The following PIK3R4 variants were observed in gnomAD, a reference collection of about 807,000 sequenced individuals.
PIK3R4 encodes the protein phosphoinositide 3-kinase regulatory subunit 4.
In PIK3R4, 46 loss-of-function variants were observed where a neutral mutation model predicts 136.5. The observed-to-expected ratio is 0.34, with a 90% CI of 0.27 to 0.43. PIK3R4 has a LOEUF of 0.43. Ranked by LOEUF, PIK3R4 falls within the 20% of genes least tolerant of loss-of-function variation. The probability of loss-of-function intolerance (pLI) is 1.00; values close to 1 mark genes in which losing one functional copy is unlikely to be tolerated. For missense variants in PIK3R4, 1,331 were observed against 1,649.5 expected (o/e 0.81, Z 3.35); for synonymous variants, 557 against 566.7 (o/e 0.98, Z 0.24).
Position 130,709,126 on chromosome 3 carries a change from T to G in PIK3R4, c.2332-634A>C, listed in dbSNP as rs149589440. ...ACTTACTGTATCTGTGCACCTCTAT[T>G]TAGCTATAAAGATAATTACTGGCAC... On this transcript the variant is annotated intron_variant, in intron 9 of 19. Transcript: ENST00000356763. Among the ~76,000 whole-genome samples the G allele has an allele frequency of 2.0e-4, 30 of 152,230 alleles. No homozygotes were observed. In the East Asian group the frequency reaches 5.8e-3, roughly 29 times the overall value.
At chr3:130,679,803 C>T (rs545718192) in intron 19 of PIK3R4, among the ~76,000 whole-genome samples, 2 of 152,080 alleles carry the variant, frequency 1.3e-5, no homozygotes, top group African/African-American at 2.4e-5. Context: ...ATAGGCCAGG[C>T]GCGGTGGGTC....
At chr3:130,681,208 C>CCTAT (rs1301521140) in intron 17 of PIK3R4, 143 bp from the exon 18 acceptor site, 3 of 670,722 alleles carry the variant, frequency 4.5e-6, no homozygotes, top group African/African-American at 3.6e-5. Context: ...TTATGTATGC[C>CCTAT]CTATCTACTT....
At chr3:130,734,255 T>C in intron 3 of PIK3R4, 125 bp from the exon 4 acceptor site, 1 of 707,362 alleles carries the variant, frequency 1.4e-6, no homozygotes, top group Non-Finnish European at 2.4e-6. Context: ...CTAAGTGATT[T>C]GTGACTCCAT....
At chr3:130,715,765 T>G (rs1412466640) in intron 9 of PIK3R4, among the ~76,000 whole-genome samples, 1 of 152,196 alleles carries the variant, frequency 6.6e-6, no homozygotes, top group African/African-American at 2.4e-5. Context: ...TTAGATCCAT[T>G]TGTCAATTCT....
rs2066608848 is a variant in PIK3R4 at position 130,706,883 on chromosome 3, A to G, written c.2721+65T>C. 2.2e-6 allele frequency: 3 copies of G among 1,387,310 alleles called. No individual in the cohort carries two copies. In the South Asian group the frequency reaches 4.5e-5, roughly 21 times the overall value. The allele number at this position is 1,387,310 out of a possible 1,614,324, so 85.9% of individuals were successfully genotyped here. Reference sequence around the variant, plus strand: ...TTCCACTACAGTACACAGCCTTTAAACAACCAAAATAGCAGAAGAGCGTTC... The same window carrying G: ...TTCCACTACAGTACACAGCCTTTAAGCAACCAAAATAGCAGAAGAGCGTTC... On this transcript the variant is annotated intron_variant, in intron 11 of 19. Transcript: ENST00000356763.
chr3:130,703,675 T>C, intron 13 of PIK3R4, 48 bp downstream of exon 13: 2 of 1,388,780 alleles, frequency 1.4e-6, no homozygotes, highest in Non-Finnish European at 2.0e-6. Flanking sequence ...TCAATAAACA[T>C]TTGTTGATTT....
chr3:130,721,427 G>A (rs1202266468), intron 7 of PIK3R4, among the ~76,000 whole-genome samples: 1 of 151,958 alleles, frequency 6.6e-6, no homozygotes, highest in Non-Finnish European at 1.5e-5. Context: ...AAATTAGTAT[G>A]TTGAAGGGAT....
In PIK3R4 at chr3:130,745,222, G is replaced by A. The variant is rs763138925; in HGVS notation, c.-4C>T. 8.8e-6 allele frequency: 14 copies of A among 1,591,266 alleles called. No homozygotes were observed. The highest frequency in any genetic ancestry group is 1.1e-5 in the Non-Finnish European group (13 of 1,174,712). On this transcript the variant is annotated 5_prime_UTR_variant, in exon 2 of 20. Transcript: ENST00000356763. ...TGCCAGCAAGCTGATTTCCCATAAT[G>A]GCAAGCACCTCTGTGGTCTTTAGTA...
intron 12 of PIK3R4, 101 bp from the exon 13 acceptor site, chr3:130,703,989 A>G (rs999702732): frequency 3.5e-5 from 26 of 752,656 alleles, no homozygotes; most frequent in Non-Finnish European, 5.5e-5. Flanking sequence ...GAAAACAATC[A>G]TAAGAACTAA....
At chr3:130,705,859 T>G (rs898282976) in intron 11 of PIK3R4, 88 bp from the exon 12 acceptor site, 1 of 696,976 alleles carries the variant, frequency 1.4e-6, no homozygotes. Flanking sequence ...ATCTATAAAT[T>G]ATAACAGCTT....
intron 14 of PIK3R4, among the ~76,000 whole-genome samples, chr3:130,687,214 T>C (rs1034218346): frequency 2.0e-5 from 3 of 152,148 alleles, no homozygotes; most frequent in East Asian, 1.9e-4. Flanking sequence ...CAAAATACTT[T>C]TGTGCATGAG....
At chr3:130,691,820 T>TA (rs988897588) in intron 13 of PIK3R4, among the ~76,000 whole-genome samples, 35 of 151,356 alleles carry the variant, frequency 2.3e-4, no homozygotes, top group Admixed American at 7.9e-4. Flanking sequence ...TTGTTTTTTT[T>TA]AAAAAAATCT....
intron 6 of PIK3R4, 37 bp downstream of exon 6, chr3:130,728,426 T>G (rs747480379): frequency 7.5e-7 from 1 of 1,341,896 alleles, no homozygotes; most frequent in Non-Finnish European, 1.0e-6. Context: ...AGAGGATGAT[T>G]AAAAATCTTA....
intron 9 of PIK3R4, among the ~76,000 whole-genome samples, chr3:130,715,039 G>A (rs534951699): frequency 4.0e-4 from 61 of 151,116 alleles, no homozygotes; most frequent in African/African-American, 1.5e-3. Flanking sequence ...TTCCACAACA[G>A]TTGAACTAAT....
chr3:130,692,162 A>C (rs1235706781), intron 13 of PIK3R4, among the ~76,000 whole-genome samples: 3 of 152,142 alleles, frequency 2.0e-5, no homozygotes, highest in Non-Finnish European at 4.4e-5. Flanking sequence ...GGTGTGAGCC[A>C]CCACACCTGG....
rs2066841657 is a variant in PIK3R4, at chr3:130,744,424, T to C, written c.733+62A>G. The C allele has an allele frequency of 5.3e-6, 8 of 1,508,592 alleles. No homozygotes were observed. In the Admixed American group the frequency reaches 1.5e-4, roughly 29 times the overall value. 93.5% of individuals were successfully genotyped at this position (1,508,592 alleles called of 1,614,324 possible). On this transcript the variant is annotated intron_variant, in intron 2 of 19. Transcript: ENST00000356763. The stretch of plus-strand genomic sequence containing the variant: ...ATCTGGTGACTAAAAAAAGCCACAT[T>C]TCTGTTTAACAGTTAAAAGAAAAAC...
At chr3:130,735,254 C>T (rs548448548) in intron 3 of PIK3R4, among the ~76,000 whole-genome samples, 29 of 152,294 alleles carry the variant, frequency 1.9e-4, no homozygotes, top group African/African-American at 6.5e-4. Flanking sequence ...CAATCTTTTC[C>T]ATGACTCAGA....
Position 130,703,774 on chromosome 3 carries a change from G to A in PIK3R4, c.3047C>T (p.Thr1016Ile). Residue 1016 changes from threonine (T) to isoleucine (I), a missense_variant, in exon 13 of 20, where the codon ACA (threonine) becomes ATA (isoleucine). Transcript: ENST00000356763. ...CTTTTGACTGTTCCAGATTTTCACT[G>A]TGCCATCATTTGAACATGTTGCAAA... Reference protein sequence around the residue: ...SLFATCSNDGTVKIWNSQKME... With the variant: ...SLFATCSNDGIVKIWNSQKME... 1.2e-6 allele frequency: 2 copies of A among 1,613,400 alleles called. No homozygotes were observed. The highest frequency in any genetic ancestry group is 2.2e-5 in the East Asian group (1 of 44,856).
intron 2 of PIK3R4, among the ~76,000 whole-genome samples, chr3:130,737,505 C>G (rs1339234275): frequency 2.0e-5 from 3 of 152,000 alleles, no homozygotes; most frequent in Non-Finnish European, 2.9e-5. Flanking sequence ...ACTGAAAATA[C>G]AAAAAATAGC....
Sources: allele counts gnomAD v4.1 joint callset (sites outside exome capture counted in the v4.1 genomes callset), GRCh38; gene constraint gnomAD v4.1.1; transcripts MANE v1.5; gene names NCBI Gene and HGNC (gene_info 2026-07-23, HGNC 2026-07-21).